Variants in DIPK2B observed in about 807,000 individuals in gnomAD.
The protein encoded by DIPK2B is UPF0672 protein CXorf36.
A neutral mutation model predicts 22.2 loss-of-function variants in DIPK2B; 15 were observed. That is an observed-to-expected ratio of 0.68 (90% CI 0.45 to 1.04). The LOEUF (loss-of-function observed/expected upper bound fraction) is 1.04. Among genes scored for constraint, DIPK2B ranks in the 50% least tolerant of loss-of-function variants. The pLI is 0.00. For synonymous variants in DIPK2B, 163 were observed against 153.2 expected, an observed-to-expected ratio of 1.06 and a Z score of -0.47; for missense variants, 345 against 348.3, an observed-to-expected ratio of 0.99 and a Z score of 0.08.
Position 45,157,810 on chromosome X carries a change from C to T in DIPK2B, c.577G>A (p.Asp193Asn). The T allele has an allele frequency of 8.5e-7, 1 of 1,180,865 alleles. No homozygotes were observed. Among genetic ancestry groups the T allele is most frequent in the Non-Finnish European group, 1.1e-6 (1 of 880,869 alleles). Reference sequence around the variant, plus strand: ...TGGTCCATGAAGATGCTGCCGGCGTCGGCCACCTCTGCATAGCGCCTGACC... The same window carrying T: ...TGGTCCATGAAGATGCTGCCGGCGTTGGCCACCTCTGCATAGCGCCTGACC... ...RVVRRYAEVA[D>N]AGSIFMDHFT... is the part of the protein sequence containing the mutation. Residue 193 changes from aspartate (D) to asparagine (N), a missense_variant, in exon 3 of 5, where the codon GAC becomes AAC. Transcript: ENST00000398000.
intron 2 of DIPK2B, among the ~76,000 whole-genome samples, chrX:45,190,483 C>T (rs756150748): frequency 4.5e-5 from 5 of 111,505 alleles, no homozygotes; most frequent in African/African-American, 1.6e-4. Flanking sequence ...AGCATATCAA[C>T]TATAATGCCG....
intron 3 of DIPK2B, 52 bp from the exon 4 acceptor site, chrX:45,154,250 C>T: frequency 2.0e-6 from 2 of 1,020,225 alleles, no homozygotes; most frequent in Non-Finnish European, 2.6e-6. Context: ...TGACAGCTCT[C>T]TATCTGTCTA....
chrX:45,188,209 TG>T (rs1406945405), intron 2 of DIPK2B, among the ~76,000 whole-genome samples: 1 of 112,219 alleles, frequency 8.9e-6, no homozygotes, highest in African/African-American at 3.2e-5. Flanking sequence ...TGGAGCTGTT[TG>T]GCCAAATCTG....
chrX:45,152,735 A>C, intron 4 of DIPK2B, among the ~76,000 whole-genome samples: 1 of 111,094 alleles, frequency 9.0e-6, no homozygotes, highest in East Asian at 2.8e-4. Flanking sequence ...GTTCGAGACC[A>C]GCCTGGCCAA....
intron 2 of DIPK2B, among the ~76,000 whole-genome samples, chrX:45,171,652 AT>A (rs1236146080): frequency 9.0e-6 from 1 of 111,521 alleles, no homozygotes; most frequent in Non-Finnish European, 1.9e-5. Context: ...AAAATCTGTC[AT>A]TGACATTTCC....
chrX:45,152,781 A>G (rs746155656), intron 4 of DIPK2B, among the ~76,000 whole-genome samples: 1 of 110,595 alleles, frequency 9.0e-6, no homozygotes, highest in South Asian at 3.9e-4. Context: ...AAATACAAAA[A>G]TTAGCTGGGT....
chrX:45,155,924 C>T (rs1213329526), intron 3 of DIPK2B, among the ~76,000 whole-genome samples: 2 of 106,753 alleles, frequency 1.9e-5, no homozygotes, highest in Non-Finnish European at 3.8e-5. Flanking sequence ...GTGAAGAACC[C>T]GTGCCCATTT....
intron 2 of DIPK2B, among the ~76,000 whole-genome samples, chrX:45,184,199 A>C (rs1336752281): frequency 2.7e-5 from 3 of 111,450 alleles, no homozygotes; most frequent in African/African-American, 9.8e-5. Context: ...ATGGGAGGGC[A>C]TATGTCATGT....
chrX:45,169,581 A>G (rs1254758582), intron 2 of DIPK2B, among the ~76,000 whole-genome samples: 1 of 111,493 alleles, frequency 9.0e-6, no homozygotes, highest in Non-Finnish European at 1.9e-5. Context: ...GGTGGGGACG[A>G]TGGTATTTGC....
chrX:45,178,485 A>G (rs972596580), intron 2 of DIPK2B, among the ~76,000 whole-genome samples: 1 of 111,628 alleles, frequency 9.0e-6, no homozygotes, highest in Non-Finnish European at 1.9e-5. Flanking sequence ...CTTTGCAGGT[A>G]TTGAACCATA....
chrX:45,163,370 C>T, intron 2 of DIPK2B: 1 of 746,019 alleles, frequency 1.3e-6, no homozygotes, highest in South Asian at 6.8e-5. Flanking sequence ...CTGGTAGAAC[C>T]CTGCCTGATA....
intron 2 of DIPK2B, chrX:45,162,393 T>A (rs2047026584): frequency 2.7e-6 from 2 of 754,512 alleles, no homozygotes; most frequent in Non-Finnish European, 3.1e-6. Flanking sequence ...GAGCAACCTC[T>A]ATAACTGTAG....
intron 2 of DIPK2B, among the ~76,000 whole-genome samples, chrX:45,180,930 G>A (rs1395522914): frequency 8.9e-6 from 1 of 111,942 alleles, no homozygotes; most frequent in Non-Finnish European, 1.9e-5. Flanking sequence ...CTCTCAAAAT[G>A]TCTTATTGTA....
chrX:45,200,661 C>A lies in DIPK2B; in HGVS notation c.166G>T (p.Gly56Cys). Residue 56 changes from glycine to cysteine, a missense_variant, in exon 1 of 5, where the codon GGT becomes TGT. Physicochemically the swap from Gly to Cys is radical, Grantham distance 159. Transcript: ENST00000398000. ...TSYNFGRTFL[G>C]LDKCNACIGT... ...ATGCAGGCATTGCATTTATCAAGAC[C>A]GAGGAAAGTCCTTCCAAAATTGTAG... 8.2e-7 allele frequency: 1 copy of A among 1,212,302 alleles called. No individual in the cohort carries two copies. The highest frequency in any genetic ancestry group is 1.1e-6 in the Non-Finnish European group (1 of 895,612).
chrX:45,189,069 T>TA (rs986586724), intron 2 of DIPK2B, among the ~76,000 whole-genome samples: 3 of 112,178 alleles, frequency 2.7e-5, no homozygotes, highest in Non-Finnish European at 3.8e-5. Context: ...CAAGTTTTTT[T>TA]AAAAAAATAG....
chrX:45,174,881 C>T (rs1453081536), intron 2 of DIPK2B, among the ~76,000 whole-genome samples: 1 of 111,675 alleles, frequency 9.0e-6, no homozygotes, highest in Non-Finnish European at 1.9e-5. Context: ...TTCAATATGG[C>T]AATATGTATT....
chrX:45,193,413 C>T (rs17148026), intron 1 of DIPK2B, among the ~76,000 whole-genome samples: 27,720 of 111,101 alleles, frequency 0.25, 3,222 homozygotes, highest in African/African-American at 0.47. Flanking sequence ...TGATTAGACC[C>T]AAACCCTAGA....
rs147294901 is a variant in DIPK2B at position 45,195,697 on chromosome X, C to G, written c.234-3682G>C. Among the ~76,000 whole-genome samples, 665 of 111,524 alleles carry G rather than the reference C, an allele frequency of 6.0e-3. 5 individuals are homozygous for G. The highest frequency in any genetic ancestry group is 0.02 in the African/African-American group (620 of 30,396). On this transcript the variant is annotated intron_variant, in intron 1 of 4. Transcript: ENST00000398000. ...AGCTTAGAGCTTGGTTCACAATGCT[C>G]TGCCTGCTGCATTGCCTGCTGCATT...
At chrX:45,170,239 G>A (rs761998351) in intron 2 of DIPK2B, among the ~76,000 whole-genome samples, 4 of 69,977 alleles carry the variant, frequency 5.7e-5, no homozygotes, top group Non-Finnish European at 7.9e-5. Context: ...GCAAGACTCC[G>A]TCTCAAAAAA....
Sources: gnomAD v4.1 joint callset for allele counts (sites outside exome capture counted in the v4.1 genomes callset) on GRCh38, gnomAD v4.1.1 for gene constraint, MANE v1.5 for transcripts, NCBI Gene and HGNC (gene_info 2026-07-23, HGNC 2026-07-21) for gene names.